Variants in XPNPEP3 observed in about 807,000 individuals in gnomAD.
XPNPEP3 encodes xaa-Pro aminopeptidase 3.
Under a neutral mutation model 60.0 loss-of-function variants are expected in XPNPEP3, and 41 were observed. That is an observed-to-expected ratio of 0.68 (90% confidence interval 0.53 to 0.89). The LOEUF is 0.89. Ranked by LOEUF, XPNPEP3 falls within the 40% of genes least tolerant of loss-of-function variation. XPNPEP3 has a pLI of 0.00. For synonymous variants in XPNPEP3, 212 were observed against 223.2 expected (o/e 0.95, Z 0.45); for missense variants, 598 against 638.9 (o/e 0.94, Z 0.69).
chr22:40,871,998 A>C (rs1055941734), intron 2 of XPNPEP3, among the ~76,000 whole-genome samples: 1 of 152,144 alleles, frequency 6.6e-6, no homozygotes, highest in Non-Finnish European at 1.5e-5. Flanking sequence ...ACGCCATTGC[A>C]CTCCAGCTTG....
chr22:40,889,180 A>C lies in XPNPEP3; in HGVS notation c.792+2665A>C, dbSNP rs1299307244. Among the ~76,000 whole-genome samples, 5 of 150,480 alleles carry C rather than the reference A, an allele frequency of 3.3e-5. 1 individual carries two copies. The East Asian group carries it at 5.8e-4, about 17-fold the overall frequency. On this transcript the variant is annotated intron_variant, in intron 4 of 9. Coordinates refer to ENST00000357137, the MANE Select transcript of XPNPEP3 (RefSeq NM_022098.4). ...TGAGTAGCTTGGATTACAGGCACATACCACCATGGCTGTTTTTAGGTTTTT... is the reference window on the plus strand; with the variant it reads ...TGAGTAGCTTGGATTACAGGCACATCCCACCATGGCTGTTTTTAGGTTTTT...
chr22:40,860,404 T>C lies in XPNPEP3; in HGVS notation c.64+3159T>C, dbSNP rs1246681294. The C allele has an allele frequency of 1.7e-5, 4 of 241,592 alleles. No homozygotes were observed. In the East Asian group the frequency reaches 2.6e-4, roughly 16 times the overall value. The allele number at this position is 241,592 out of a possible 1,614,324, so 15.0% of individuals were successfully genotyped here. The stretch of plus-strand genomic sequence containing the variant: ...AGTCTATTTCTAACTTAAAATACTT[T>C]ATACTTTAATTTTTAATTTGTAGTA... On this transcript the variant is annotated intron_variant, in intron 1 of 9. Coordinates refer to ENST00000357137, the MANE Select transcript of XPNPEP3 (RefSeq NM_022098.4).
At chr22:40,903,512 A>G (rs2058142727) in intron 4 of XPNPEP3, among the ~76,000 whole-genome samples, 2 of 148,574 alleles carry the variant, frequency 1.3e-5, no homozygotes, top group South Asian at 4.2e-4. Context: ...TTTTTTTAAG[A>G]TGGAATCTTA....
chr22:40,887,508 C>A (rs546965967), intron 4 of XPNPEP3, among the ~76,000 whole-genome samples: 2 of 152,326 alleles, frequency 1.3e-5, no homozygotes, highest in South Asian at 4.2e-4. Context: ...TCCCGGCTTA[C>A]AGAAGGCGGC....
intron 1 of XPNPEP3, chr22:40,861,646 C>CAA: frequency 6.2e-7 from 1 of 1,614,058 alleles, no homozygotes; most frequent in East Asian, 2.2e-5. Context: ...AACAGGTCCT[C>CAA]AAGCGAGTCT....
In XPNPEP3 at chr22:40,932,814, T is replaced by C. The variant is rs2058259282; in HGVS notation, c.*6379T>C. 2 of 152,056 alleles carry C rather than the reference T, an allele frequency of 1.3e-5. No homozygotes were observed. Among genetic ancestry groups the C allele is most frequent in the South Asian group, 4.1e-4 (2 of 4,822 alleles). The allele number at this position is 152,056 out of a possible 1,614,324, so 9.4% of individuals were successfully genotyped here. A position where few individuals can be genotyped will look rare whatever the true frequency, so the allele number is the denominator to read the frequency against. ...TAAAAAAAATAAAACTATAAAACAA[T>C]ATAGAGGGGTATGGTGTGTGTGTGT... On this transcript the variant is annotated 3_prime_UTR_variant, in exon 10 of 10. Transcript: ENST00000357137.
intron 1 of XPNPEP3, among the ~76,000 whole-genome samples, chr22:40,858,609 G>A (rs1420921340): frequency 7.6e-6 from 1 of 131,482 alleles, no homozygotes; most frequent in African/African-American, 3.0e-5. Context: ...TTGCCTTACT[G>A]CAACCTCCAC....
intron 4 of XPNPEP3, among the ~76,000 whole-genome samples, chr22:40,893,792 T>C (rs922883189): frequency 6.6e-6 from 1 of 151,990 alleles, no homozygotes; most frequent in Non-Finnish European, 1.5e-5. Flanking sequence ...AATTTTGTAT[T>C]TTTAGTAGAG....
chr22:40,871,238 A>C (rs1348863800), intron 2 of XPNPEP3, among the ~76,000 whole-genome samples: 4 of 152,086 alleles, frequency 2.6e-5, no homozygotes, highest in Admixed American at 2.6e-4. Flanking sequence ...CTATAGTCTC[A>C]GCTACTCGGG....
intron 4 of XPNPEP3, among the ~76,000 whole-genome samples, chr22:40,894,911 A>G (rs1039440007): frequency 3.9e-4 from 60 of 152,190 alleles, no homozygotes; most frequent in Non-Finnish European, 8.8e-5. Flanking sequence ...TTGCAAGTCC[A>G]TTAGTGACAG....
At chr22:40,894,730 A>G (rs2058101391) in intron 4 of XPNPEP3, among the ~76,000 whole-genome samples, 1 of 152,214 alleles carries the variant, frequency 6.6e-6, no homozygotes, top group Admixed American at 6.5e-5. Flanking sequence ...AAGTTAGGCC[A>G]TCAACTGTTG....
At chr22:40,897,574 T>C (rs951740568) in intron 4 of XPNPEP3, among the ~76,000 whole-genome samples, 9 of 151,614 alleles carry the variant, frequency 5.9e-5, no homozygotes, top group African/African-American at 1.9e-4. Flanking sequence ...CCATCTTAGC[T>C]CCCTGCAGCC....
rs746015777 is a variant in XPNPEP3, at chr22:40,861,764, TC to T, written c.64+4521del. The stretch of plus-strand genomic sequence containing the variant: ...ACTCACATTCATCATCAAAATGACT[TC>T]CACCTCCGTTTAATCCTTCTGTGCC... On this transcript the variant is annotated intron_variant, in intron 1 of 9. Coordinates refer to ENST00000357137, the MANE Select transcript of XPNPEP3 (RefSeq NM_022098.4). 13 of 1,613,390 alleles carry T rather than the reference TC, an allele frequency of 8.1e-6. No individual in the cohort carries two copies. The Admixed American group carries it at 1.7e-4, about 21-fold the overall frequency.
intron 3 of XPNPEP3, among the ~76,000 whole-genome samples, chr22:40,883,255 A>G (rs1411468517): frequency 6.6e-6 from 1 of 152,228 alleles, no homozygotes; most frequent in African/African-American, 2.4e-5. Context: ...AAAAATGCAT[A>G]ATATGTAATA....
chr22:40,884,190 TG>T (rs1190332178), intron 3 of XPNPEP3, among the ~76,000 whole-genome samples: 1 of 152,192 alleles, frequency 6.6e-6, no homozygotes, highest in Non-Finnish European at 1.5e-5. Context: ...CACATAAATG[TG>T]GGGCATAGAA....
intron 2 of XPNPEP3, among the ~76,000 whole-genome samples, chr22:40,875,095 C>T (rs1318673606): frequency 6.6e-6 from 1 of 152,174 alleles, no homozygotes; most frequent in African/African-American, 2.4e-5. Flanking sequence ...TCTATAAGTA[C>T]TTCACCATGA....
intron 1 of XPNPEP3, among the ~76,000 whole-genome samples, chr22:40,867,037 C>G (rs1418472472): frequency 6.6e-6 from 1 of 152,188 alleles, no homozygotes; most frequent in Non-Finnish European, 1.5e-5. Context: ...AAAGAGAAAT[C>G]ACCAATGCAA....
At chr22:40,869,187 T>G in intron 2 of XPNPEP3, 72 bp downstream of exon 2, 1 of 1,308,890 alleles carries the variant, frequency 7.6e-7, no homozygotes, top group East Asian at 2.3e-5. Flanking sequence ...TAGAACTTCT[T>G]GCAGTAAGCT....
Position 40,914,303 on chromosome 22 carries a change from G to A in XPNPEP3, c.1034G>A (p.Arg345His), listed in dbSNP as rs772408867. ...ESSCYVSDIT[R>H]TWPVNGRFTA... ...TCCTGCTATGTGAGTGACATCACAC[G>A]TACGTGGCCAGTCAATGGCAGGTAG... Residue 345 changes from arginine (R) to histidine (H), a missense_variant, in exon 7 of 10, where the codon CGT (arginine) becomes CAT (histidine). Coordinates refer to ENST00000357137, the MANE Select transcript of XPNPEP3 (RefSeq NM_022098.4). 21 of 1,613,858 alleles carry A rather than the reference G, an allele frequency of 1.3e-5. No homozygotes were observed. The highest frequency in any genetic ancestry group is 1.7e-5 in the Non-Finnish European group (20 of 1,179,970).
Sources: allele counts gnomAD v4.1 joint callset (sites outside exome capture counted in the v4.1 genomes callset), GRCh38; gene constraint gnomAD v4.1.1; transcripts MANE v1.5; gene names NCBI Gene and HGNC (gene_info 2026-07-23, HGNC 2026-07-21).